Variants in QARS1 observed in about 807,000 individuals in gnomAD.
The protein encoded by QARS1 is glutaminyl-tRNA synthetase 1, also known as glutamine--tRNA ligase.
In QARS1, 79 loss-of-function variants were observed where a neutral mutation model predicts 106.9. That is an observed-to-expected ratio of 0.74 (90% CI 0.62 to 0.89). QARS1 has a LOEUF of 0.89. QARS1 is among the 40% of genes least tolerant of loss of function. The pLI, the probability that QARS1 is intolerant of heterozygous loss-of-function variation, is 0.00. For synonymous variants in QARS1, 395 were observed against 367.7 expected, an observed-to-expected ratio of 1.07 and a Z score of -0.85; for missense variants, 966 against 997.2, an observed-to-expected ratio of 0.97 and a Z score of 0.42.
intron 1 of QARS1, 45 bp from the exon 2 acceptor site, chr3:49,104,516 G>A: frequency 1.9e-6 from 3 of 1,609,780 alleles, no homozygotes; most frequent in Non-Finnish European, 1.7e-6. Context: ...CTCAGTGAGA[G>A]GAAAGGGCGG....
intron 14 of QARS1, 43 bp downstream of exon 14, chr3:49,099,918 C>A: frequency 6.2e-7 from 1 of 1,608,494 alleles, no homozygotes; most frequent in South Asian, 1.1e-5. Context: ...TGGCCCATCG[C>A]CCTGCTCGGC....
At position 49,103,391 on chromosome 3, in the gene QARS1, A is replaced by G; in HGVS notation, c.470T>C (p.Leu157Pro). 1.9e-6 allele frequency: 3 copies of G among 1,614,136 alleles called. No individual in the cohort carries two copies. The highest frequency in any genetic ancestry group is 1.3e-5 in the African/African-American group (1 of 75,040). ...GATCATTTTGCCATCTGCCCACTTC[A>G]GCACAGCCCGAGCCTCTCCTAGAAG... ...GLLMGEARAV[L>P]KWADGKMIKN... The change falls in exon 5 of 24, where the codon CTG becomes CCG. Residue 157 changes from leucine (L) to proline (P), a missense_variant. Physicochemically the swap from Leu to Pro is moderately conservative, Grantham distance 98. Coordinates refer to ENST00000306125, the MANE Select transcript of QARS1 (RefSeq NM_005051.3).
At chr3:49,097,883 C>T (rs1260827942) in intron 23 of QARS1, 109 bp downstream of exon 23, 1 of 1,438,518 alleles carries the variant, frequency 7.0e-7, no homozygotes, top group Non-Finnish European at 9.6e-7. Context: ...AATACCAACT[C>T]CCTCAGGTGG....
At chr3:49,103,456 T>C in intron 4 of QARS1, 47 bp from the exon 5 acceptor site, 1 of 1,604,532 alleles carries the variant, frequency 6.2e-7, no homozygotes, top group African/African-American at 1.3e-5. Flanking sequence ...AAAAGAGTAC[T>C]CCCCCCACCT....
chr3:49,098,618 C>T lies in QARS1; in HGVS notation c.1938G>A (p.Glu646=), dbSNP rs1486058380. The T allele has an allele frequency of 6.2e-7, 1 of 1,611,818 alleles. No homozygotes were observed. The highest frequency in any genetic ancestry group is 1.7e-5 in the Admixed American group (1 of 59,678). ...VGLRHTGYVI[E]LQHVVKGPSG... ...CTCTCACCTTGACAACATGCTGCAGCTCAATGACGTAGCCTGTATGCCTCA... is the reference window on the plus strand; with the variant it reads ...CTCTCACCTTGACAACATGCTGCAGTTCAATGACGTAGCCTGTATGCCTCA... The change falls in exon 20 of 24, where the codon GAG becomes GAA. Residue 646 remains glutamate (E), a synonymous_variant. Transcript: ENST00000306125.
intron 23 of QARS1, among the ~76,000 whole-genome samples, chr3:49,097,653 G>A (rs1331471805): frequency 3.9e-5 from 6 of 151,914 alleles, no homozygotes; most frequent in East Asian, 2.0e-4. Context: ...AAAATTAGCC[G>A]GGTGTGGTGG....
In QARS1 at chr3:49,098,251, G is replaced by A. The variant is rs369669069; in HGVS notation, c.2092C>T (p.His698Tyr). The A allele has an allele frequency of 7.4e-6, 12 of 1,614,056 alleles. No homozygotes were observed. The highest frequency in any genetic ancestry group is 2.7e-5 in the African/African-American group (2 of 74,928). ...EVRLYERLFQ[H>Y]KNPEDPTEVP... ...TCAGTAGGATCTTCAGGGTTCTTGT[G>A]CTGGAATCTGCAGCCAAAGTGAAGG... Residue 698 changes from histidine (H) to tyrosine (Y), a missense_variant, in exon 22 of 24, where the codon CAC becomes TAC. Coordinates refer to ENST00000306125, the MANE Select transcript of QARS1 (RefSeq NM_005051.3).
At chr3:49,102,591 C>G (rs2042485700) in intron 5 of QARS1, 119 bp from the exon 6 acceptor site, 3 of 1,044,486 alleles carry the variant, frequency 2.9e-6, no homozygotes, top group Non-Finnish European at 4.4e-6. Context: ...CTGAAAAAAC[C>G]TACCTAGCCC....
chr3:49,101,778 A>G (rs761949221), intron 8 of QARS1, 50 bp downstream of exon 8: 23 of 1,608,598 alleles, frequency 1.4e-5, no homozygotes, highest in Non-Finnish European at 1.9e-5. Flanking sequence ...TGACTATAGG[A>G]GCTGCTGCCA....
At chr3:49,102,011 T>G in intron 7 of QARS1, 112 bp from the exon 8 acceptor site, 1 of 1,351,638 alleles carries the variant, frequency 7.4e-7, no homozygotes, top group Non-Finnish European at 1.0e-6. Context: ...ACAAGATATC[T>G]AGAGCCAGAC....
rs767087901 is a variant in QARS1 at position 49,099,109 on chromosome 3, C to A, written c.1758+1G>T. ...TGACACACATGTTGAGGCAGGCCCACCTTGGCAGCAGGAAAGTTGGTGATG... is the reference window on the plus strand; with the variant it reads ...TGACACACATGTTGAGGCAGGCCCAACTTGGCAGCAGGAAAGTTGGTGATG... On this transcript the variant is annotated splice_donor_variant, in intron 18 of 23. Transcript: ENST00000306125. LOFTEE classifies it high-confidence loss of function. 12 of 1,614,064 alleles carry A rather than the reference C, an allele frequency of 7.4e-6. 1 individual carries two copies. Among genetic ancestry groups the A allele is most frequent in the South Asian group, 2.2e-5 (2 of 91,088 alleles).
rs2042451458 is a variant in QARS1 at position 49,100,254 on chromosome 3, C to T, written c.1100G>A (p.Gly367Asp). ...CCAGGGTGAAGGCAGAGTATTATGG[C>T]CTTTGAGCTCCTCTCCTCGCTGGTG... is the stretch of plus-strand genomic sequence containing the variant. The part of the protein sequence containing the change: ...VCHQRGEELK[G>D]HNTLPSPWRD... The change falls in exon 13 of 24, where the codon GGC becomes GAC. Residue 367 changes from glycine to aspartate, a missense_variant. Transcript: ENST00000306125. 5 of 1,614,228 alleles carry T rather than the reference C, an allele frequency of 3.1e-6. No homozygotes were observed. The highest frequency in any genetic ancestry group is 4.2e-6 in the Non-Finnish European group (5 of 1,180,038).
At chr3:49,099,067 A>C in intron 18 of QARS1, 43 bp downstream of exon 18, 1 of 1,613,758 alleles carries the variant, frequency 6.2e-7, no homozygotes, top group Non-Finnish European at 8.5e-7. Flanking sequence ...GTGTACCCCC[A>C]GCTACACACA....
chr3:49,103,717 C>T lies in QARS1; in HGVS notation c.376-11G>A. On this transcript the variant is annotated splice_polypyrimidine_tract_variant and intron_variant, in intron 3 of 23. Coordinates refer to ENST00000306125, the MANE Select transcript of QARS1 (RefSeq NM_005051.3). Reference sequence around the variant, plus strand: ...AATAGCAGCCTCCACCTGCAGAAAGCCAAACCATGTGGTTCAGGAAAGCCA... The same window carrying T: ...AATAGCAGCCTCCACCTGCAGAAAGTCAAACCATGTGGTTCAGGAAAGCCA... The T allele has an allele frequency of 6.2e-7, 1 of 1,613,108 alleles. No homozygotes were observed. Among genetic ancestry groups the T allele is most frequent in the Non-Finnish European group, 8.5e-7 (1 of 1,179,540 alleles).
At chr3:49,097,196 CAGG>C (rs1476999365) in intron 23 of QARS1, 4 of 152,018 alleles carry the variant, frequency 2.6e-5, no homozygotes, top group African/African-American at 9.7e-5. Flanking sequence ...TCAGCTAAGG[CAGG>C]AGAATAGCTT....
Position 49,104,357 on chromosome 3 carries a change from T to C in QARS1, c.232A>G (p.Ser78Gly), listed in dbSNP as rs767410688. The C allele has an allele frequency of 5.0e-6, 8 of 1,614,202 alleles. No individual in the cohort carries two copies. Among genetic ancestry groups the C allele is most frequent in the Non-Finnish European group, 6.8e-6 (8 of 1,180,034 alleles). ...RLSFLVSYIA[S>G]KKIHTEPQLS... ...TGGGGCTCAGTGTGGATCTTCTTAC[T>C]GGCTATGTAGCTTACAAGGAAGGAG... Residue 78 changes from serine to glycine, a missense_variant, in exon 2 of 24, where the codon AGT (serine) becomes GGT (glycine). Transcript: ENST00000306125.
At position 49,099,584 on chromosome 3, in the gene QARS1, AT is replaced by A. The variant is rs1064795119; in HGVS notation, c.1451del (p.Tyr484LeufsTer20). 3 of 1,614,204 alleles carry A rather than the reference AT, an allele frequency of 1.9e-6. No homozygotes were observed. Among genetic ancestry groups the A allele is most frequent in the Admixed American group, 1.7e-5 (1 of 60,022 alleles). ...CAGCATAGTGCAGGTTGAGGCGGCC[AT>A]ACTCCCACTGCACAGGGCAATAGAC... ...LDVYCPVQWE[Y>X]GRLNLHYAVV... On this transcript the variant is annotated frameshift_variant, in exon 16 of 24. Transcript: ENST00000306125. LOFTEE classifies it high-confidence loss of function.
At position 49,101,403 on chromosome 3, in the gene QARS1, C is replaced by T. The variant is rs547663940; in HGVS notation, c.828G>A (p.Leu276=). 7.4e-6 allele frequency: 12 copies of T among 1,614,088 alleles called. No homozygotes were observed. The highest frequency in any genetic ancestry group is 1.7e-4 in the Middle Eastern group (1 of 6,060). Residue 276 remains leucine, a synonymous_variant, in exon 10 of 24, where the codon CTG becomes CTA. Coordinates refer to ENST00000306125, the MANE Select transcript of QARS1 (RefSeq NM_005051.3). ...TGATGGCTTTGGCATGTCCAATATG[C>T]AGGATTCCATTGGGTTCTGGCGGGA... The part of the protein sequence containing the change: ...TRFPPEPNGI[L]HIGHAKAINF...
chr3:49,102,110 G>A, intron 7 of QARS1, 95 bp downstream of exon 7: 1 of 1,515,616 alleles, frequency 6.6e-7, no homozygotes. Context: ...AGGGTACTGA[G>A]TAAGCCAAGG....
Sources: allele counts gnomAD v4.1 joint callset (sites outside exome capture counted in the v4.1 genomes callset), GRCh38; gene constraint gnomAD v4.1.1; transcripts MANE v1.5; gene names NCBI Gene and HGNC (gene_info 2026-07-23, HGNC 2026-07-21).